Variants in SCD observed in about 807,000 individuals in gnomAD.
SCD encodes acyl-CoA desaturase.
A neutral mutation model predicts 35.7 loss-of-function variants in SCD; 4 were observed. The ratio of observed to expected loss-of-function variants is 0.11; its 90% CI spans 0.06 to 0.26. The LOEUF (loss-of-function observed/expected upper bound fraction) is 0.26, where lower values mean the gene tolerates loss of function less well. Ranked by LOEUF, SCD falls within the 10% of genes least tolerant of loss-of-function variation. The probability of loss-of-function intolerance (pLI) is 1.00; values close to 1 mark genes in which losing one functional copy is unlikely to be tolerated. For missense variants in SCD, 282 were observed against 460.7 expected (o/e 0.61, Z 3.55); for synonymous variants, 150 against 170.2 (o/e 0.88, Z 0.92).
chr10:100,347,601 G>A lies in SCD; in HGVS notation c.27+70G>A, dbSNP rs1457827559. The A allele has an allele frequency of 1.9e-6, 3 of 1,584,064 alleles. No individual in the cohort carries two copies. In the African/African-American group the frequency reaches 4.0e-5, roughly 21 times the overall value. On this transcript the variant is annotated intron_variant, in intron 1 of 5. Transcript: ENST00000370355. ...GGCTGGGCTTCCAGGGGACGGGTTG[G>A]TGGCAGAAGAGAGGGGAGAGCTCCG...
At chr10:100,350,986 G>A (rs535421836) in intron 2 of SCD, among the ~76,000 whole-genome samples, 2 of 152,160 alleles carry the variant, frequency 1.3e-5, no homozygotes, top group Non-Finnish European at 2.9e-5. Context: ...GGTAGGGTTG[G>A]GGGGAAAAGG....
Position 100,360,691 on chromosome 10 carries a change from C to G in SCD, c.881-43C>G. 3.2e-6 allele frequency: 5 copies of G among 1,580,818 alleles called. No homozygotes were observed. The South Asian group carries it at 5.5e-5, about 18-fold the overall frequency. On this transcript the variant is annotated intron_variant, in intron 5 of 5. Coordinates refer to ENST00000370355, the MANE Select transcript of SCD (RefSeq NM_005063.5). ...AACTGGTGTGCACAAATCAAGAAAA[C>G]CTCAATGCACCGTCACTCCATAACT...
At position 100,356,135 on chromosome 10, in the gene SCD, G is replaced by C. The variant is rs1296384192; in HGVS notation, c.648-397G>C. Among the ~76,000 whole-genome samples the C allele has an allele frequency of 2.0e-5, 3 of 152,172 alleles. No individual in the cohort carries two copies. The highest frequency in any genetic ancestry group is 4.8e-5 in the African/African-American group (2 of 41,450). On this transcript the variant is annotated intron_variant, in intron 4 of 5. Transcript: ENST00000370355. The surrounding 1 kb of genome is among the most constrained non-coding windows in gnomAD (Gnocchi z 4.1). ...TCATGCCCGTAATCCCAGCACTTTG[G>C]GAGGCTGAGGCGGGAGGATTGCTGG...
At chr10:100,360,470 CTG>C (rs145796140) in intron 5 of SCD, among the ~76,000 whole-genome samples, 1,725 of 152,330 alleles carry the variant, frequency 0.011, 36 homozygotes, top group African/African-American at 0.039. Context: ...TGACTCATGA[CTG>C]TAATCCTAGC....
chr10:100,350,898 G>A (rs1467790090), intron 2 of SCD, among the ~76,000 whole-genome samples: 1 of 152,198 alleles, frequency 6.6e-6, no homozygotes, highest in Non-Finnish European at 1.5e-5. Flanking sequence ...AGGGAATGTG[G>A]AGAGAGCTCT....
chr10:100,356,815 G>T lies in SCD; in HGVS notation c.880+51G>T. ...ACATCCAGTGGTCTGCTGATTAGGG[G>T]ATTAGGCTAGGAGCCAGAAAAACTA... On this transcript the variant is annotated intron_variant, in intron 5 of 5. Transcript: ENST00000370355. This position sits in a 1 kb window ranked among gnomAD's most constrained non-coding sequence, Gnocchi z 4.1. 2 of 1,444,848 alleles carry T rather than the reference G, an allele frequency of 1.4e-6. No individual in the cohort carries two copies. The highest frequency in any genetic ancestry group is 1.2e-5 in the South Asian group (1 of 86,668). The allele number at this position is 1,444,848 out of a possible 1,614,324, so 89.5% of individuals were successfully genotyped here.
At chr10:100,348,028 C>T in intron 1 of SCD, 36 bp from the exon 2 acceptor site, 2 of 1,601,304 alleles carry the variant, frequency 1.2e-6, no homozygotes, top group Non-Finnish European at 1.7e-6. Flanking sequence ...CTCCACGTGT[C>T]TCTTCTCCTG....
chr10:100,360,893 G>T lies in SCD; in HGVS notation c.1040G>T (p.Arg347Met). Residue 347 changes from arginine (R) to methionine (M), a missense_variant, in exon 6 of 6, where the codon AGG becomes ATG. Arg to Met is a moderately conservative substitution (Grantham distance 91). Around this residue, in one of 2 missense-constraint regions of SCD, gnomAD observed 205 missense variants for 372.3 expected, o/e 0.55. Coordinates refer to ENST00000370355, the MANE Select transcript of SCD (RefSeq NM_005063.5). ...KKVSKAAILA[R>M]IKRTGDGNYK... ...GTCTCCAAGGCCGCCATCTTGGCCA[G>T]GATTAAAAGAACCGGAGATGGAAAC... 6.2e-7 allele frequency: 1 copy of T among 1,613,962 alleles called. No individual in the cohort carries two copies. Among genetic ancestry groups the T allele is most frequent in the Non-Finnish European group, 8.5e-7 (1 of 1,179,866 alleles).
Position 100,361,248 on chromosome 10 carries a change from G to A in SCD, c.*315G>A, listed in dbSNP as rs965111249. 1 of 333,862 alleles carries A rather than the reference G, an allele frequency of 3.0e-6. No individual in the cohort carries two copies. The highest frequency in any genetic ancestry group is 2.1e-5 in the African/African-American group (1 of 46,930). 20.7% of individuals were successfully genotyped at this position (333,862 alleles called of 1,614,324 possible). A position where few individuals can be genotyped will look rare whatever the true frequency, so the allele number is the denominator to read the frequency against. On this transcript the variant is annotated 3_prime_UTR_variant, in exon 6 of 6. Transcript: ENST00000370355. ...CTGGTCAGTCTTTGCTCAGTGTCCAGCTTCCAAAGCCTAGACAACCTTTCT... is the reference window on the plus strand; with the variant it reads ...CTGGTCAGTCTTTGCTCAGTGTCCAACTTCCAAAGCCTAGACAACCTTTCT...
Position 100,356,480 on chromosome 10 carries a change from T to C in SCD, c.648-52T>C. On this transcript the variant is annotated intron_variant, in intron 4 of 5. Coordinates refer to ENST00000370355, the MANE Select transcript of SCD (RefSeq NM_005063.5). The surrounding 1 kb of genome is among the most constrained non-coding windows in gnomAD (Gnocchi z 4.1). ...CCTCCCAATTAGTGTGGAAGATCCA[T>C]GTAGGTGTGGAGTCCCCCTCCATTG... 2 of 1,310,846 alleles carry C rather than the reference T, an allele frequency of 1.5e-6. No individual in the cohort carries two copies. The highest frequency in any genetic ancestry group is 1.2e-5 in the South Asian group (1 of 84,504). The allele number at this position is 1,310,846 out of a possible 1,614,324, so 81.2% of individuals were successfully genotyped here. A position where few individuals can be genotyped will look rare whatever the true frequency, so the allele number is the denominator to read the frequency against.
intron 2 of SCD, 89 bp downstream of exon 2, chr10:100,348,435 C>G: frequency 7.7e-7 from 1 of 1,307,000 alleles, no homozygotes; most frequent in South Asian, 1.4e-5. Context: ...ACACCAGCCC[C>G]TCCCAGCCTC....
rs954216134 is a variant in SCD, at chr10:100,356,282, T to C, written c.648-250T>C. The stretch of plus-strand genomic sequence containing the variant: ...GTCCCAGCTACTCAGGAGGCTGGGG[T>C]GGGAGGATCTCTTGGCCCAGGAGTT... On this transcript the variant is annotated intron_variant, in intron 4 of 5. Coordinates refer to ENST00000370355, the MANE Select transcript of SCD (RefSeq NM_005063.5). The surrounding 1 kb of genome is among the most constrained non-coding windows in gnomAD (Gnocchi z 4.1). 2.0e-5 allele frequency among the ~76,000 whole-genome samples: 3 copies of C among 151,816 alleles called. No homozygotes were observed. Among genetic ancestry groups the C allele is most frequent in the African/African-American group, 7.3e-5 (3 of 41,348 alleles).
chr10:100,348,051 C>G lies in SCD; in HGVS notation c.28-13C>G. ...GTCTCTTCTCCTGACTCTCCTCTTC[C>G]TCCCCCTTCCAGATCTCTAGCTCCT... On this transcript the variant is annotated splice_polypyrimidine_tract_variant and intron_variant, in intron 1 of 5. Transcript: ENST00000370355. The G allele has an allele frequency of 1.2e-6, 2 of 1,611,228 alleles. No homozygotes were observed. Among genetic ancestry groups the G allele is most frequent in the Non-Finnish European group, 1.7e-6 (2 of 1,178,542 alleles).
chr10:100,361,162 G>T lies in SCD; in HGVS notation c.*229G>T. ...ATCCTCTCTCTCTTCTAGGCCCATT[G>T]TCCTCCTTTTCACTTTATTGCTATC... is the stretch of plus-strand genomic sequence containing the variant. On this transcript the variant is annotated 3_prime_UTR_variant, in exon 6 of 6. Transcript: ENST00000370355. The T allele has an allele frequency of 1.9e-6, 1 of 534,906 alleles. No individual in the cohort carries two copies. Among genetic ancestry groups the T allele is most frequent in the South Asian group, 2.2e-5 (1 of 44,632 alleles). The allele number at this position is 534,906 out of a possible 1,614,324, so 33.1% of individuals were successfully genotyped here.
chr10:100,347,532 G>A lies in SCD; in HGVS notation c.27+1G>A, dbSNP rs1849811655. Reference sequence around the variant, plus strand: ...GCCGGCCCACTTGCTGCAGGACGATGTGAGTTTCCCAGCCTGGCCCCGTAC... The same window carrying A: ...GCCGGCCCACTTGCTGCAGGACGATATGAGTTTCCCAGCCTGGCCCCGTAC... On this transcript the variant is annotated splice_donor_variant, in intron 1 of 5. Coordinates refer to ENST00000370355, the MANE Select transcript of SCD (RefSeq NM_005063.5). LOFTEE classifies it high-confidence loss of function. 6.2e-7 allele frequency: 1 copy of A among 1,613,910 alleles called. No individual in the cohort carries two copies. Among genetic ancestry groups the A allele is most frequent in the Non-Finnish European group, 8.5e-7 (1 of 1,180,012 alleles).
chr10:100,353,968 TG>T (rs1214413435), intron 3 of SCD, among the ~76,000 whole-genome samples: 2 of 152,252 alleles, frequency 1.3e-5, no homozygotes, highest in African/African-American at 4.8e-5. Flanking sequence ...TGAGCTCTTT[TG>T]CAAGGCACCA....
intron 1 of SCD, among the ~76,000 whole-genome samples, chr10:100,347,853 C>T (rs1277527467): frequency 3.9e-5 from 6 of 152,228 alleles, no homozygotes; most frequent in African/African-American, 1.4e-4. Context: ...TCGCGCCCCT[C>T]GTCCCCCTCG....
chr10:100,350,781 C>A (rs187600731), intron 2 of SCD, among the ~76,000 whole-genome samples: 1 of 152,156 alleles, frequency 6.6e-6, no homozygotes, highest in Non-Finnish European at 1.5e-5. Flanking sequence ...AGCTCTGGCT[C>A]AACTGATGGT....
In SCD at chr10:100,356,533, T is replaced by C; in HGVS notation, c.649T>C (p.Tyr217His). 6.2e-7 allele frequency: 1 copy of C among 1,613,268 alleles called. No homozygotes were observed. ...AEKLVMFQRR[Y>H]YKPGLLMMCF... is the part of the protein sequence containing the mutation. ...CTGGTGTCTGGTCTGTCAATGTAGG[T>C]ACTACAAACCTGGCTTGCTGATGAT... The change falls in exon 5 of 6, where the codon TAC becomes CAC. Residue 217 changes from tyrosine (Y) to histidine (H), a missense_variant and splice_region_variant. Around this residue, in one of 2 missense-constraint regions of SCD, gnomAD observed 205 missense variants for 372.3 expected, o/e 0.55. Coordinates refer to ENST00000370355, the MANE Select transcript of SCD (RefSeq NM_005063.5). The surrounding 1 kb of genome is among the most constrained non-coding windows in gnomAD (Gnocchi z 4.1).
Sources: gnomAD v4.1 joint callset for allele counts (sites outside exome capture counted in the v4.1 genomes callset) on GRCh38, gnomAD v4.1.1 for gene constraint, gnomAD v4.1.1 regional missense constraint, Gnocchi (gnomAD v3.1) non-coding constraint, MANE v1.5 for transcripts, NCBI Gene and HGNC (gene_info 2026-07-23, HGNC 2026-07-21) for gene names.